The following C2orf92 variants were observed in gnomAD, a reference collection of about 807,000 sequenced individuals.
C2orf92 encodes chromosome 2 open reading frame 92, also known as uncharacterized protein C2orf92.
upstream of C2orf92, among the ~76,000 whole-genome samples, chr2:97,667,261 CTTTTTTATTTTTT>C (rs1675263618): frequency 9.4e-6 from 1 of 106,496 alleles, no homozygotes; most frequent in Non-Finnish European, 1.9e-5. Flanking sequence ...CTTCAGGTCT[CTTTTTTATTTTTT>C]TTTTTTTTGA....
chr2:97,665,758 TATATA>T (rs1365805758), upstream of C2orf92: 19 of 140,392 alleles, frequency 1.4e-4, no homozygotes, highest in African/African-American at 4.8e-4. Context: ...TATATATATA[TATATA>T]TATATATATA....
upstream of C2orf92, among the ~76,000 whole-genome samples, chr2:97,665,223 G>A (rs747638100): frequency 6.6e-6 from 1 of 152,180 alleles, no homozygotes; most frequent in Admixed American, 6.5e-5. Flanking sequence ...TTATTTCCCT[G>A]TATATATACC....
upstream of C2orf92, chr2:97,669,076 T>C (rs910072901): frequency 7.2e-5 from 11 of 152,148 alleles, no homozygotes; most frequent in Admixed American, 1.3e-4. Flanking sequence ...GTGGGACCCA[T>C]TACAAAATGA....
At chr2:97,667,960 C>T (rs1213674393), upstream of C2orf92, 1 of 152,092 alleles carries the variant, frequency 6.6e-6, no homozygotes, top group Non-Finnish European at 1.5e-5. Context: ...TACTGATCAA[C>T]CAGGTTACGC....
chr2:97,675,828 G>C lies in C2orf92; in HGVS notation c.149-17G>C. The C allele has an allele frequency of 5.0e-6, 2 of 399,080 alleles. No homozygotes were observed. Among genetic ancestry groups the C allele is most frequent in the Non-Finnish European group, 8.8e-6 (2 of 226,072 alleles). The allele number at this position is 399,080 out of a possible 1,614,324, so 24.7% of individuals were successfully genotyped here. A position where few individuals can be genotyped will look rare whatever the true frequency, so the allele number is the denominator to read the frequency against. ...CAATGAAAGACTTAATCACAGCCAT[G>C]GTTTATTTTCCCTTAGGCTATTCCC... On this transcript the variant is annotated splice_polypyrimidine_tract_variant and intron_variant, in intron 2 of 7. Transcript: ENST00000627399.
upstream of C2orf92, chr2:97,665,692 A>ACT (rs67429887): frequency 1.2e-3 from 106 of 85,486 alleles, 1 homozygote; most frequent in South Asian, 1.6e-3. Context: ...TCAAAGCATG[A>ACT]CTCTCTCTCT....
upstream of C2orf92, chr2:97,669,711 C>T (rs900248579): frequency 2.0e-5 from 8 of 398,204 alleles, no homozygotes; most frequent in South Asian, 5.1e-4. Context: ...CCGTGGTACC[C>T]TGGAGTCCAC....
intron 2 of C2orf92, 49 bp downstream of exon 2, chr2:97,674,606 CTGTG>C: frequency 2.5e-6 from 1 of 398,340 alleles, no homozygotes; most frequent in Non-Finnish European, 4.4e-6. Flanking sequence ...CTACAGACCT[CTGTG>C]TTATCTCAAA....
intron 3 of C2orf92, among the ~76,000 whole-genome samples, chr2:97,685,632 G>A (rs1163716874): frequency 1.3e-5 from 2 of 151,520 alleles, no homozygotes; most frequent in South Asian, 2.1e-4. Context: ...GCGCAATCTC[G>A]GATCACTGCA....
chr2:97,670,530 A>G (rs1480144313), intron 1 of C2orf92: 1 of 151,972 alleles, frequency 6.6e-6, no homozygotes, highest in African/African-American at 2.4e-5. Context: ...AGGATATAAT[A>G]TATAATAAAA....
intron 6 of C2orf92, among the ~76,000 whole-genome samples, chr2:97,699,569 C>A (rs1166965921): frequency 6.6e-6 from 1 of 152,176 alleles, no homozygotes; most frequent in Non-Finnish European, 1.5e-5. Context: ...TGCACCATTG[C>A]ACTCCAGCCT....
chr2:97,684,037 T>TTC (rs1191993204), intron 3 of C2orf92, among the ~76,000 whole-genome samples: 2 of 145,544 alleles, frequency 1.4e-5, no homozygotes, highest in Non-Finnish European at 3.0e-5. Flanking sequence ...GCTAATTTTT[T>TTC]TTTTTTTTTT....
intron 5 of C2orf92, among the ~76,000 whole-genome samples, chr2:97,692,002 T>C (rs1341630955): frequency 6.6e-6 from 1 of 152,234 alleles, no homozygotes; most frequent in Non-Finnish European, 1.5e-5. Flanking sequence ...TATTTTTGCA[T>C]GTTTGTTTTT....
intron 5 of C2orf92, among the ~76,000 whole-genome samples, chr2:97,690,533 A>T (rs1403453531): frequency 2.0e-5 from 3 of 151,800 alleles, no homozygotes; most frequent in African/African-American, 7.3e-5. Flanking sequence ...GGGGCCCGCT[A>T]CCACGCCTGG....
rs1175002909 is a variant in C2orf92, at chr2:97,694,248, CT to C, written c.403+3935del. Among the ~76,000 whole-genome samples the C allele has an allele frequency of 6.1e-3, 870 of 142,346 alleles. 2 individuals carry two copies. The highest frequency in any genetic ancestry group is 7.0e-3 in the Non-Finnish European group (456 of 64,828). 93.4% of individuals were successfully genotyped at this position (142,346 alleles called of 152,430 possible). On this transcript the variant is annotated intron_variant, in intron 5 of 7. Coordinates refer to ENST00000627399, the MANE Select transcript of C2orf92 (RefSeq NM_001351368.2). The stretch of plus-strand genomic sequence containing the variant: ...CAAAATGTCCTTTCTTTCTTTCTTT[CT>C]TTTTTTTTTTTTTGAGACAGAGCCT...
upstream of C2orf92, among the ~76,000 whole-genome samples, chr2:97,665,219 C>T (rs1398532615): frequency 6.6e-6 from 1 of 152,096 alleles, no homozygotes; most frequent in Non-Finnish European, 1.5e-5. Flanking sequence ...ATAGTTATTT[C>T]CCTGTATATA....
upstream of C2orf92, among the ~76,000 whole-genome samples, chr2:97,667,268 ATTTTTTT>A (rs1218123940): frequency 4.4e-5 from 1 of 22,832 alleles, no homozygotes; most frequent in Non-Finnish European, 1.3e-4. Flanking sequence ...TCTCTTTTTT[ATTTTTTT>A]TTTTTTTGAG....
chr2:97,694,897 T>C (rs1370743585), intron 5 of C2orf92, among the ~76,000 whole-genome samples: 1 of 152,206 alleles, frequency 6.6e-6, no homozygotes, highest in Non-Finnish European at 1.5e-5. Context: ...AATTCCCTAA[T>C]GATTAGTGAT....
upstream of C2orf92, chr2:97,665,719 CTCTCTCTCTCTCTCTCTCTATA>C (rs1420816527): frequency 2.6e-4 from 15 of 57,464 alleles, no homozygotes; most frequent in African/African-American, 8.8e-4. Context: ...CTCTCTCTCT[CTCTCTCTCTCTCTCTCTCTATA>C]TATATATATA....
Sources: gnomAD v4.1 joint callset for allele counts (sites outside exome capture counted in the v4.1 genomes callset) on GRCh38, gnomAD v4.1.1 for gene constraint, MANE v1.5 for transcripts, NCBI Gene and HGNC (gene_info 2026-07-23, HGNC 2026-07-21) for gene names.